The following SV2B variants were observed in gnomAD, a reference collection of about 807,000 sequenced individuals.
SV2B encodes synaptic vesicle glycoprotein 2B.
Under a neutral mutation model 73.9 loss-of-function variants are expected in SV2B, and 41 were observed. The ratio of observed to expected loss-of-function variants is 0.56; its 90% CI spans 0.43 to 0.72. SV2B has a LOEUF of 0.72. SV2B is among the 30% of genes least tolerant of loss of function. The pLI, the probability that SV2B is intolerant of heterozygous loss-of-function variation, is 0.00. For synonymous variants in SV2B, 314 were observed against 314.2 expected (o/e 1.00, Z 0.01); for missense variants, 764 against 857.8 (o/e 0.89, Z 1.37).
intron 1 of SV2B, among the ~76,000 whole-genome samples, chr15:91,168,028 G>A (rs559574290): frequency 6.6e-6 from 1 of 152,170 alleles, no homozygotes; most frequent in East Asian, 1.9e-4. Context: ...TATAATCTGG[G>A]GGATGGTGTC....
At chr15:91,254,231 C>CTTTTTTT (rs1206575033) in intron 4 of SV2B, among the ~76,000 whole-genome samples, 1 of 131,836 alleles carries the variant, frequency 7.6e-6, no homozygotes, top group African/African-American at 3.2e-5. Context: ...ATTATTTTCA[C>CTTTTTTT]TTCTTTTTTT....
At position 91,302,073 on chromosome 15, in the gene SV2B, A is replaced by G. The variant is rs1278028668; in HGVS notation, c.*9521A>G. On this transcript the variant is annotated 3_prime_UTR_variant, in exon 13 of 13. Coordinates refer to ENST00000394232, the MANE Select transcript of SV2B (RefSeq NM_001323032.3). ...TATTAACCAAATTATTATAGACACC[A>G]TCTTAATGTAGAGGATCCCACAAGA... 1.3e-5 allele frequency among the ~76,000 whole-genome samples: 2 copies of G among 152,192 alleles called. No homozygotes were observed. The highest frequency in any genetic ancestry group is 2.1e-4 in the South Asian group (1 of 4,832).
intron 1 of SV2B, among the ~76,000 whole-genome samples, chr15:91,199,128 T>C (rs1191473517): frequency 1.3e-5 from 2 of 152,136 alleles, no homozygotes; most frequent in Non-Finnish European, 2.9e-5. Context: ...GTCTCCTGAG[T>C]AGATGGGATT....
rs1423013512 is a variant in SV2B at position 91,177,607 on chromosome 15, C to T, written c.-391-48266C>T. Among the ~76,000 whole-genome samples the T allele has an allele frequency of 2.8e-5, 4 of 140,960 alleles. No individual in the cohort carries two copies. The East Asian group carries it at 7.7e-4, about 27-fold the overall frequency. The allele number at this position is 140,960 out of a possible 152,430, so 92.5% of individuals were successfully genotyped here. On this transcript the variant is annotated intron_variant, in intron 1 of 12. Transcript: ENST00000394232. ...TAGTTCTCCTTGAAGAGGTCCTTCA[C>T]GTCCCTTGTAAGTTGGATTCCTAAG...
intron 1 of SV2B, among the ~76,000 whole-genome samples, chr15:91,181,517 A>G (rs1020693173): frequency 7.9e-5 from 12 of 151,814 alleles, no homozygotes; most frequent in Middle Eastern, 3.4e-3. Flanking sequence ...AACACCCCCA[A>G]TACAGATTCA....
At chr15:91,204,264 C>T (rs904845011) in intron 1 of SV2B, among the ~76,000 whole-genome samples, 1 of 152,144 alleles carries the variant, frequency 6.6e-6, no homozygotes, top group Non-Finnish European at 1.5e-5. Flanking sequence ...TCTTAATTTA[C>T]AGTTTTATTT....
At position 91,258,782 on chromosome 15, in the gene SV2B, G is replaced by A. The variant is rs534841390; in HGVS notation, c.918+228G>A. On this transcript the variant is annotated intron_variant, in intron 5 of 12. Coordinates refer to ENST00000394232, the MANE Select transcript of SV2B (RefSeq NM_001323032.3). The surrounding 1 kb of genome is among the most constrained non-coding windows in gnomAD (Gnocchi z 4.7). ...ATGCTGGATGGTTCAAGAGCTTGTG[G>A]AGCCCAGAGCAGGAGCTCTTTCCCA... Among the ~76,000 whole-genome samples, 4 of 152,264 alleles carry A rather than the reference G, an allele frequency of 2.6e-5. No individual in the cohort carries two copies. The highest frequency in any genetic ancestry group is 2.4e-5 in the African/African-American group (1 of 41,560).
chr15:91,246,084 T>A (rs529615641), intron 2 of SV2B, among the ~76,000 whole-genome samples: 40 of 132,730 alleles, frequency 3.0e-4, no homozygotes, highest in African/African-American at 1.1e-3. Flanking sequence ...AAAAAAAAAA[T>A]CCCCCCTTCA....
intron 1 of SV2B, among the ~76,000 whole-genome samples, chr15:91,216,215 A>C (rs1298466436): frequency 6.6e-6 from 1 of 152,166 alleles, no homozygotes; most frequent in Non-Finnish European, 1.5e-5. Context: ...GGGTTGATGT[A>C]ATCTACCCCA....
intron 1 of SV2B, among the ~76,000 whole-genome samples, chr15:91,203,862 C>G (rs1051807351): frequency 3.9e-5 from 6 of 152,002 alleles, no homozygotes; most frequent in Non-Finnish European, 8.8e-5. Flanking sequence ...CTCTCTCCCT[C>G]TCTCTCTCTG....
Position 91,283,964 on chromosome 15 carries a change from T to G in SV2B, c.1508-57T>G. The G allele has an allele frequency of 6.3e-7, 1 of 1,588,386 alleles. No individual in the cohort carries two copies. The highest frequency in any genetic ancestry group is 1.1e-5 in the South Asian group (1 of 89,984). On this transcript the variant is annotated intron_variant, in intron 10 of 12. Transcript: ENST00000394232. The surrounding 1 kb of genome is among the most constrained non-coding windows in gnomAD (Gnocchi z 4.3). ...GGCAGACTTCATCCCTGCCTCTGCC[T>G]TTCTCTCTCCAGCTCCCTTCCACTT...
In SV2B at chr15:91,258,295, A is replaced by C; in HGVS notation, c.785-126A>C. 7.2e-7 allele frequency: 1 copy of C among 1,384,046 alleles called. No homozygotes were observed. Among genetic ancestry groups the C allele is most frequent in the East Asian group, 2.4e-5 (1 of 41,556 alleles). The allele number at this position is 1,384,046 out of a possible 1,614,324, so 85.7% of individuals were successfully genotyped here. A position where few individuals can be genotyped will look rare whatever the true frequency, so the allele number is the denominator to read the frequency against. ...TCGGAGGCACAGCTGAGGAGTCTGC[A>C]TTTTAACCACCTCCCCGGGTGACTC... is the stretch of plus-strand genomic sequence containing the variant. On this transcript the variant is annotated intron_variant, in intron 4 of 12. Coordinates refer to ENST00000394232, the MANE Select transcript of SV2B (RefSeq NM_001323032.3). The surrounding 1 kb of genome is among the most constrained non-coding windows in gnomAD (Gnocchi z 4.7).
chr15:91,158,726 C>CT (rs1305439407), intron 1 of SV2B, among the ~76,000 whole-genome samples: 7 of 102,958 alleles, frequency 6.8e-5, no homozygotes, highest in African/African-American at 2.2e-4. Context: ...CTCCTCTCCT[C>CT]TCTTCTCCTC....
chr15:91,288,212 G>C lies in SV2B; in HGVS notation c.1709-1309G>C, dbSNP rs1010579758. On this transcript the variant is annotated intron_variant, in intron 11 of 12. Coordinates refer to ENST00000394232, the MANE Select transcript of SV2B (RefSeq NM_001323032.3). The surrounding 1 kb of genome is among the most constrained non-coding windows in gnomAD (Gnocchi z 5.8). ...CCTTCAATAGCCCATGTACAGGTGT[G>C]TTCTCACCAGGTTATAAGCTCCATG... 3.9e-5 allele frequency among the ~76,000 whole-genome samples: 6 copies of C among 152,072 alleles called. No individual in the cohort carries two copies. Among genetic ancestry groups the C allele is most frequent in the African/African-American group, 1.4e-4 (6 of 41,404 alleles).
intron 1 of SV2B, among the ~76,000 whole-genome samples, chr15:91,162,235 C>T (rs745623294): frequency 6.6e-6 from 1 of 152,126 alleles, no homozygotes; most frequent in Non-Finnish European, 1.5e-5. Flanking sequence ...AATAATCCCT[C>T]TTCTAGTAAT....
chr15:91,253,149 C>T lies in SV2B; in HGVS notation c.784+629C>T, dbSNP rs1232146931. On this transcript the variant is annotated intron_variant, in intron 4 of 12. Coordinates refer to ENST00000394232, the MANE Select transcript of SV2B (RefSeq NM_001323032.3). The surrounding 1 kb of genome is among the most constrained non-coding windows in gnomAD (Gnocchi z 5.0). The stretch of plus-strand genomic sequence containing the variant: ...CTGGACAGAGACCTGGCAACATCAA[C>T]TTTTACTACTGGTTTCGTCAAGAGC... Among the ~76,000 whole-genome samples, 1 of 152,232 alleles carries T rather than the reference C, an allele frequency of 6.6e-6. No individual in the cohort carries two copies. Among genetic ancestry groups the T allele is most frequent in the Admixed American group, 6.5e-5 (1 of 15,284 alleles).
chr15:91,211,115 A>G (rs560468571), intron 1 of SV2B, among the ~76,000 whole-genome samples: 1 of 152,356 alleles, frequency 6.6e-6, no homozygotes, highest in African/African-American at 2.4e-5. Context: ...TGTATGGCCA[A>G]ATCAACGGCA....
intron 1 of SV2B, among the ~76,000 whole-genome samples, chr15:91,107,867 C>T (rs2041932768): frequency 6.6e-6 from 1 of 152,110 alleles, no homozygotes; most frequent in Middle Eastern, 3.2e-3. Context: ...CACCTTAGTC[C>T]CCAAAGTGGT....
intron 2 of SV2B, among the ~76,000 whole-genome samples, chr15:91,233,070 T>C (rs1435764777): frequency 2.6e-5 from 4 of 152,206 alleles, no homozygotes; most frequent in African/African-American, 7.2e-5. Context: ...TAGTATTCCA[T>C]GGTGTATATG....
Sources: allele counts gnomAD v4.1 joint callset (sites outside exome capture counted in the v4.1 genomes callset), GRCh38; gene constraint gnomAD v4.1.1; non-coding constraint Gnocchi (gnomAD v3.1); transcripts MANE v1.5; gene names NCBI Gene and HGNC (gene_info 2026-07-23, HGNC 2026-07-21).